Variants in DENND1B observed in about 807,000 individuals in gnomAD.
The protein encoded by DENND1B is DENN domain containing 1B, also known as DENN domain-containing protein 1B.
DENND1B carries 59 observed loss-of-function variants against 90.1 expected under a neutral mutation model. The ratio of observed to expected loss-of-function variants is 0.65; its 90% CI spans 0.53 to 0.81. The LOEUF is 0.81. Among genes scored for constraint, DENND1B ranks in the 40% least tolerant of loss-of-function variants. The probability of loss-of-function intolerance (pLI) is 0.00; values close to 1 mark genes in which losing one functional copy is unlikely to be tolerated. For missense variants in DENND1B, 862 were observed against 912.6 expected, an observed-to-expected ratio of 0.94 and a Z score of 0.71; for synonymous variants, 337 against 324.6, an observed-to-expected ratio of 1.04 and a Z score of -0.41.
intron 3 of DENND1B, among the ~76,000 whole-genome samples, chr1:197,705,763 A>AG (rs1237364111): frequency 1.3e-5 from 2 of 151,830 alleles, no homozygotes; most frequent in African/African-American, 2.4e-5. Context: ...TGGTAAAATG[A>AG]GTGAGCAAGG....
At chr1:197,734,039 T>A (rs1662399483) in intron 2 of DENND1B, 2 of 908,762 alleles carry the variant, frequency 2.2e-6, no homozygotes, top group Non-Finnish European at 2.6e-6. Flanking sequence ...TTTGCAGTAT[T>A]TACATTAAAT....
intron 2 of DENND1B, among the ~76,000 whole-genome samples, chr1:197,726,449 G>A (rs1334067643): frequency 5.9e-5 from 9 of 152,146 alleles, no homozygotes; most frequent in Non-Finnish European, 5.9e-5. Context: ...CAGGAGCCAA[G>A]TGCAGCAATA....
chr1:197,577,698 C>T (rs185280617), intron 15 of DENND1B, among the ~76,000 whole-genome samples: 33 of 152,244 alleles, frequency 2.2e-4, no homozygotes, highest in Admixed American at 5.9e-4. Context: ...TAAAGAAAGA[C>T]GGTAATGTCA....
At chr1:197,670,463 G>GTGTGTGTGTT (rs1287753384) in intron 5 of DENND1B, among the ~76,000 whole-genome samples, 1 of 150,148 alleles carries the variant, frequency 6.7e-6, no homozygotes, top group Non-Finnish European at 1.5e-5. Flanking sequence ...GTGTGTGTGT[G>GTGTGTGTGTT]TGTGTGTGTG....
intron 2 of DENND1B, among the ~76,000 whole-genome samples, chr1:197,766,325 T>C (rs575013008): frequency 6.6e-6 from 1 of 152,324 alleles, no homozygotes; most frequent in Non-Finnish European, 1.5e-5. Flanking sequence ...TCAGAGTTCT[T>C]AAATGAACAC....
At chr1:197,769,795 C>T (rs1004916286) in intron 2 of DENND1B, among the ~76,000 whole-genome samples, 1 of 152,038 alleles carries the variant, frequency 6.6e-6, no homozygotes, top group Non-Finnish European at 1.5e-5. Flanking sequence ...GCTGATAATG[C>T]ACATATCAGA....
chr1:197,700,834 A>G (rs1658949829), intron 3 of DENND1B, among the ~76,000 whole-genome samples: 1 of 152,198 alleles, frequency 6.6e-6, no homozygotes, highest in South Asian at 2.1e-4. Context: ...AACGAGAAAA[A>G]GCTTAACATC....
At chr1:197,714,621 G>A in intron 3 of DENND1B, among the ~76,000 whole-genome samples, 1 of 152,062 alleles carries the variant, frequency 6.6e-6, no homozygotes, top group East Asian at 1.9e-4. Context: ...ACTGTGACAA[G>A]GAGAGAACTG....
intron 20 of DENND1B, among the ~76,000 whole-genome samples, chr1:197,517,071 C>T (rs1156746028): frequency 6.6e-6 from 1 of 151,778 alleles, no homozygotes; most frequent in Non-Finnish European, 1.5e-5. Context: ...ACTCAGAGCT[C>T]TCTATAAGTG....
chr1:197,746,687 G>A (rs146350028), intron 2 of DENND1B: 8,863 of 789,440 alleles, frequency 0.011, 79 homozygotes, highest in Non-Finnish European at 0.014. Context: ...AACACAGGCT[G>A]GAAAACGTTC....
At chr1:197,560,405 T>C (rs148159403) in intron 15 of DENND1B, among the ~76,000 whole-genome samples, 53 of 151,772 alleles carry the variant, frequency 3.5e-4, no homozygotes, top group African/African-American at 1.3e-3. Flanking sequence ...ACAAATGATG[T>C]AGTATGTGAG....
intron 4 of DENND1B, 99 bp from the exon 5 acceptor site, chr1:197,672,255 T>C (rs1389294018): frequency 3.7e-6 from 5 of 1,357,060 alleles, no homozygotes; most frequent in East Asian, 2.6e-5. Flanking sequence ...ATTGGTTTCA[T>C]CTTTCTAATC....
In DENND1B at chr1:197,553,035, A is replaced by G; in HGVS notation, c.1227T>C (p.Gly409=). The G allele has an allele frequency of 1.3e-6, 2 of 1,574,424 alleles. No individual in the cohort carries two copies. Among genetic ancestry groups the G allele is most frequent in the Non-Finnish European group, 1.7e-6 (2 of 1,166,826 alleles). ...ACTTGTCTTTACCTCCACAAAAGCC[A>G]CCTGAAGTGATCTCTTCTTCAAATA... is the stretch of plus-strand genomic sequence containing the variant. ...SDVFEEEITS[G]GFCGGNPRSY... Residue 409 remains glycine, a synonymous_variant, in exon 16 of 23, where the codon GGT becomes GGC. Coordinates refer to ENST00000620048, the MANE Select transcript of DENND1B (RefSeq NM_001195215.2).
intron 10 of DENND1B, among the ~76,000 whole-genome samples, chr1:197,626,309 T>C (rs1678716287): frequency 6.6e-6 from 1 of 151,890 alleles, no homozygotes; most frequent in South Asian, 2.1e-4. Context: ...GAACAGAAAT[T>C]ATAACAAACT....
intron 2 of DENND1B, among the ~76,000 whole-genome samples, chr1:197,761,489 T>C (rs559208225): frequency 4.6e-5 from 7 of 152,202 alleles, no homozygotes; most frequent in Admixed American, 1.3e-4. Flanking sequence ...TTGAACTTAT[T>C]TGGCTTTCAT....
chr1:197,740,336 C>T (rs564918990), intron 2 of DENND1B, among the ~76,000 whole-genome samples: 1 of 152,112 alleles, frequency 6.6e-6, no homozygotes, highest in South Asian at 2.1e-4. Context: ...GAAATGTAAA[C>T]AAGGGGGATT....
In DENND1B at chr1:197,746,220, G is replaced by A. The variant is rs115548593; in HGVS notation, c.82+26648C>T. Among the ~76,000 whole-genome samples, 792 of 152,122 alleles carry A rather than the reference G, an allele frequency of 5.2e-3. 11 individuals carry two copies. The highest frequency in any genetic ancestry group is 0.018 in the African/African-American group (728 of 41,496). ...CAACCTAACCAACACAGCAAAACCCGTCTCTACTAAAAATACAAAAAGAAA... is the reference window on the plus strand; with the variant it reads ...CAACCTAACCAACACAGCAAAACCCATCTCTACTAAAAATACAAAAAGAAA... On this transcript the variant is annotated intron_variant, in intron 2 of 22. Coordinates refer to ENST00000620048, the MANE Select transcript of DENND1B (RefSeq NM_001195215.2).
At chr1:197,667,759 A>G (rs539416746) in intron 5 of DENND1B, among the ~76,000 whole-genome samples, 77 of 152,314 alleles carry the variant, frequency 5.1e-4, no homozygotes, top group African/African-American at 1.6e-3. Context: ...TGGAGTGCCT[A>G]TACTAAAACA....
chr1:197,630,058 A>T (rs1463754738), intron 10 of DENND1B, among the ~76,000 whole-genome samples: 1 of 152,146 alleles, frequency 6.6e-6, no homozygotes, highest in East Asian at 1.9e-4. Flanking sequence ...ACAAATGCTG[A>T]TGAAGATGTG....
Sources: gnomAD v4.1 joint callset for allele counts (sites outside exome capture counted in the v4.1 genomes callset) on GRCh38, gnomAD v4.1.1 for gene constraint, MANE v1.5 for transcripts, NCBI Gene and HGNC (gene_info 2026-07-23, HGNC 2026-07-21) for gene names.